The following DLGAP2 variants were observed in gnomAD, a reference collection of about 807,000 sequenced individuals.
The protein encoded by DLGAP2 is DLG associated protein 2.
Under a neutral mutation model 100.3 loss-of-function variants are expected in DLGAP2, and 26 were observed. That is an observed-to-expected ratio of 0.26 (90% CI 0.19 to 0.36). DLGAP2 has a LOEUF of 0.36. Ranked by LOEUF, DLGAP2 falls within the 10% of genes least tolerant of loss-of-function variation. The pLI, the probability that DLGAP2 is intolerant of heterozygous loss-of-function variation, is 1.00. For synonymous variants in DLGAP2, 886 were observed against 630.1 expected (o/e 1.41, Z -6.08); for missense variants, 1,858 against 1,453.2 (o/e 1.28, Z -4.53).
intron 3 of DLGAP2, chr8:1,378,197 C>G (rs36040757): frequency 0.049 from 8,718 of 177,062 alleles, 289 homozygotes; most frequent in South Asian, 0.08. Flanking sequence ...CCATCCTGTG[C>G]ACACCTGACC....
chr8:1,140,858 A>G (rs1452191114), intron 2 of DLGAP2, among the ~76,000 whole-genome samples: 1 of 152,216 alleles, frequency 6.6e-6, no homozygotes, highest in Non-Finnish European at 1.5e-5. Context: ...CTGTAATCCC[A>G]GCTACTCAGA....
In DLGAP2 at chr8:804,804, C is replaced by T. The variant is rs111508247; in HGVS notation, c.18+66979C>T. 3.6e-3 allele frequency among the ~76,000 whole-genome samples: 545 copies of T among 152,262 alleles called. 2 individuals carry two copies. The highest frequency in any genetic ancestry group is 0.012 in the African/African-American group (515 of 41,538). On this transcript the variant is annotated intron_variant, in intron 1 of 14. Coordinates refer to ENST00000637795, the MANE Select transcript of DLGAP2 (RefSeq NM_001346810.2). Reference sequence around the variant, plus strand: ...TTTTTTGGACAGAGTCTCACTTTGTCACCCAGGCTCGAGTGCAGTGGTGCA... The same window carrying T: ...TTTTTTGGACAGAGTCTCACTTTGTTACCCAGGCTCGAGTGCAGTGGTGCA...
intron 3 of DLGAP2, among the ~76,000 whole-genome samples, chr8:1,498,169 G>A (rs7005263): frequency 0.029 from 4,411 of 152,186 alleles, 231 homozygotes; most frequent in African/African-American, 0.1. Flanking sequence ...TTCATAGAAA[G>A]CGATGTCTGG....
At chr8:1,173,841 G>A (rs913922214) in intron 2 of DLGAP2, among the ~76,000 whole-genome samples, 2 of 152,222 alleles carry the variant, frequency 1.3e-5, no homozygotes, top group African/African-American at 4.8e-5. Flanking sequence ...TCCTGAGTGA[G>A]GCAATGCGTC....
intron 2 of DLGAP2, among the ~76,000 whole-genome samples, chr8:1,164,684 G>A (rs1796980143): frequency 6.6e-6 from 1 of 152,184 alleles, no homozygotes; most frequent in African/African-American, 2.4e-5. Context: ...TGCATTCTCT[G>A]GATCTCCATC....
At chr8:1,384,090 A>T (rs1458975265) in intron 3 of DLGAP2, among the ~76,000 whole-genome samples, 1 of 152,240 alleles carries the variant, frequency 6.6e-6, no homozygotes, top group Non-Finnish European at 1.5e-5. Context: ...TTATTTAGGC[A>T]TCAATTAATA....
At chr8:1,416,130 C>T (rs1796876047) in intron 3 of DLGAP2, among the ~76,000 whole-genome samples, 1 of 152,162 alleles carries the variant, frequency 6.6e-6, no homozygotes, top group Admixed American at 6.5e-5. Flanking sequence ...GCTAAAGAGA[C>T]TTTTCAAAGT....
intron 2 of DLGAP2, among the ~76,000 whole-genome samples, chr8:947,323 G>A (rs1293534563): frequency 6.6e-6 from 1 of 152,170 alleles, no homozygotes; most frequent in Non-Finnish European, 1.5e-5. Flanking sequence ...ACGGGGGCAG[G>A]GGTCCTGGCA....
rs79717222 is a variant in DLGAP2, at chr8:1,166,548, C to T, written c.74-92303C>T. 9.3e-3 allele frequency among the ~76,000 whole-genome samples: 1,415 copies of T among 152,260 alleles called. 17 individuals carry two copies. The highest frequency in any genetic ancestry group is 0.032 in the African/African-American group (1,346 of 41,546). ...TTTTGCTGACATTTTTATAGAAGGG[C>T]AGAACATTCATGAGAAATATCCCTG... On this transcript the variant is annotated intron_variant, in intron 2 of 14. Transcript: ENST00000637795.
At chr8:1,267,806 T>G (rs955942127) in intron 3 of DLGAP2, among the ~76,000 whole-genome samples, 3 of 151,996 alleles carry the variant, frequency 2.0e-5, no homozygotes, top group African/African-American at 7.2e-5. Context: ...TGTCCCACGC[T>G]GAGCTCAGTG....
intron 2 of DLGAP2, among the ~76,000 whole-genome samples, chr8:1,178,811 C>T (rs1364240451): frequency 6.6e-6 from 1 of 152,204 alleles, no homozygotes; most frequent in African/African-American, 2.4e-5. Flanking sequence ...GTGCCCACCG[C>T]CAGCATCTGT....
At chr8:1,304,140 A>T (rs577506509) in intron 3 of DLGAP2, among the ~76,000 whole-genome samples, 4 of 152,190 alleles carry the variant, frequency 2.6e-5, no homozygotes, top group African/African-American at 4.8e-5. Flanking sequence ...ATTGCAAGTG[A>T]AGCCACTGGA....
intron 2 of DLGAP2, among the ~76,000 whole-genome samples, chr8:1,214,623 G>A (rs988970686): frequency 2.6e-5 from 4 of 152,156 alleles, no homozygotes; most frequent in African/African-American, 9.7e-5. Flanking sequence ...TCATGTGTCT[G>A]CTTCTTCCCT....
intron 2 of DLGAP2, among the ~76,000 whole-genome samples, chr8:1,222,821 C>T (rs1253857202): frequency 6.6e-6 from 1 of 152,094 alleles, no homozygotes; most frequent in Non-Finnish European, 1.5e-5. Context: ...TGGGTGCATC[C>T]AGGCGGGGAG....
At chr8:1,209,984 C>T (rs566237640) in intron 2 of DLGAP2, among the ~76,000 whole-genome samples, 1 of 152,186 alleles carries the variant, frequency 6.6e-6, no homozygotes, top group African/African-American at 2.4e-5. Flanking sequence ...AATAATTTGC[C>T]AGTTTCATAA....
At chr8:849,025 AATGTGCGGTGCCTGTTCCAGTATAGG>A (rs1797128708) in intron 1 of DLGAP2, among the ~76,000 whole-genome samples, 1 of 149,524 alleles carries the variant, frequency 6.7e-6, no homozygotes, top group African/African-American at 2.5e-5. Flanking sequence ...CCAGTATAGG[AATGTGCGGTGCCTGTTCCAGTATAGG>A]ATGTGCCGTG....
chr8:1,138,065 A>G (rs1321471084), intron 2 of DLGAP2, among the ~76,000 whole-genome samples: 1 of 152,126 alleles, frequency 6.6e-6, no homozygotes, highest in African/African-American at 2.4e-5. Flanking sequence ...TTTCACATCC[A>G]CACTGCCCCG....
At chr8:1,591,749 A>G (rs1235600383) in intron 6 of DLGAP2, among the ~76,000 whole-genome samples, 3 of 152,118 alleles carry the variant, frequency 2.0e-5, no homozygotes, top group Non-Finnish European at 4.4e-5. Flanking sequence ...ATCACACCCA[A>G]CTGCATCCTG....
At chr8:924,717 G>C (rs1798778709) in intron 2 of DLGAP2, among the ~76,000 whole-genome samples, 1 of 151,934 alleles carries the variant, frequency 6.6e-6, no homozygotes, top group African/African-American at 2.4e-5. Flanking sequence ...TGAGTAGCTG[G>C]GATTACAGGC....
Sources: allele counts gnomAD v4.1 joint callset (sites outside exome capture counted in the v4.1 genomes callset), GRCh38; gene constraint gnomAD v4.1.1; transcripts MANE v1.5; gene names NCBI Gene and HGNC (gene_info 2026-07-23, HGNC 2026-07-21).